DLG2: variants seen among roughly 807,000 people sequenced by gnomAD.
DLG2 encodes disks large homolog 2.
A neutral mutation model predicts 132.5 loss-of-function variants in DLG2; 45 were observed. That is an observed-to-expected ratio of 0.34 (90% CI 0.27 to 0.44). DLG2 has a LOEUF of 0.44. Among genes scored for constraint, DLG2 ranks in the 20% least tolerant of loss-of-function variants. The probability of loss-of-function intolerance (pLI) is 1.00; values close to 1 mark genes in which losing one functional copy is unlikely to be tolerated. For missense variants in DLG2, 1,045 were observed against 1,196.9 expected (o/e 0.87, Z 1.87); for synonymous variants, 424 against 419.6 (o/e 1.01, Z -0.13).
At position 84,032,124 on chromosome 11, in the gene DLG2, A is replaced by C. The variant is rs548626595; in HGVS notation, c.919+27191T>G. Among the ~76,000 whole-genome samples the C allele has an allele frequency of 2.0e-5, 3 of 152,254 alleles. No homozygotes were observed. The South Asian group carries it at 6.2e-4, about 32-fold the overall frequency. On this transcript the variant is annotated intron_variant, in intron 11 of 27. Coordinates refer to ENST00000376104, the MANE Select transcript of DLG2 (RefSeq NM_001142699.3). ...ATTCCCCAAGACCCCGAGGCTAAAT[A>C]ATAACCCTTAAATGGCCTCCAAATG...
At chr11:85,497,125 C>T (rs1053373214) in intron 3 of DLG2, among the ~76,000 whole-genome samples, 5 of 151,956 alleles carry the variant, frequency 3.3e-5, no homozygotes, top group African/African-American at 1.2e-4. Context: ...TAATAACAAA[C>T]TTCTCTGAGC....
At chr11:84,907,525 A>G (rs1172432623) in intron 6 of DLG2, among the ~76,000 whole-genome samples, 1 of 152,216 alleles carries the variant, frequency 6.6e-6, no homozygotes, top group Non-Finnish European at 1.5e-5. Context: ...TAAGGAGTTT[A>G]TGTGTGAGTC....
At chr11:84,900,436 G>A (rs1035184037) in intron 6 of DLG2, among the ~76,000 whole-genome samples, 2 of 151,986 alleles carry the variant, frequency 1.3e-5, no homozygotes, top group Non-Finnish European at 2.9e-5. Flanking sequence ...TTGTCTTCAA[G>A]ATACTTTTAC....
chr11:83,823,732 A>G (rs2051564500), intron 17 of DLG2, among the ~76,000 whole-genome samples: 1 of 152,296 alleles, frequency 6.6e-6, no homozygotes, highest in East Asian at 1.9e-4. Context: ...AAGGGAGCAG[A>G]GATGAATAAA....
intron 6 of DLG2, among the ~76,000 whole-genome samples, chr11:84,742,937 A>G (rs998303790): frequency 1.3e-5 from 2 of 152,124 alleles, no homozygotes; most frequent in African/African-American, 4.8e-5. Flanking sequence ...TCCTGTTTCC[A>G]GTTTTTACCT....
chr11:83,855,777 T>C (rs1414330008), intron 16 of DLG2, among the ~76,000 whole-genome samples: 1 of 151,786 alleles, frequency 6.6e-6, no homozygotes, highest in Non-Finnish European at 1.5e-5. Flanking sequence ...GAGGTGGAGG[T>C]TGCAGTGAGC....
chr11:85,176,486 A>G (rs1427908223), intron 4 of DLG2, among the ~76,000 whole-genome samples: 1 of 152,134 alleles, frequency 6.6e-6, no homozygotes, highest in East Asian at 1.9e-4. Flanking sequence ...TGATCTAAAT[A>G]TAAAACTCAA....
chr11:85,426,885 A>T (rs1002533722), intron 3 of DLG2, among the ~76,000 whole-genome samples: 3 of 152,172 alleles, frequency 2.0e-5, no homozygotes, highest in Admixed American at 6.5e-5. Context: ...TTGAAAAAAA[A>T]TTAGACGAAT....
chr11:84,012,713 G>C (rs1196550118), intron 11 of DLG2, among the ~76,000 whole-genome samples: 1 of 152,064 alleles, frequency 6.6e-6, no homozygotes, highest in Non-Finnish European at 1.5e-5. Flanking sequence ...GAGGAAAGCA[G>C]GATCAGTCAG....
At chr11:84,582,679 C>G (rs1288913736) in intron 6 of DLG2, among the ~76,000 whole-genome samples, 2 of 151,880 alleles carry the variant, frequency 1.3e-5, no homozygotes, top group Admixed American at 1.3e-4. Context: ...ATAGCTCTAT[C>G]TATATGTCTA....
intron 8 of DLG2, among the ~76,000 whole-genome samples, chr11:84,214,262 AATATATATACACATATATGAAT>A (rs2096803320): frequency 1.6e-5 from 2 of 128,882 alleles, no homozygotes; most frequent in African/African-American, 8.6e-5. Context: ...CATATATATG[AATATATATACACATATATGAAT>A]ATATATATGA....
intron 3 of DLG2, among the ~76,000 whole-genome samples, chr11:85,443,214 A>T (rs2091865884): frequency 6.6e-6 from 1 of 152,218 alleles, no homozygotes; most frequent in Non-Finnish European, 1.5e-5. Flanking sequence ...ATACCCTTTA[A>T]GATGTCAATC....
chr11:84,532,203 C>G (rs2154520312), intron 7 of DLG2, among the ~76,000 whole-genome samples: 1 of 147,732 alleles, frequency 6.8e-6, no homozygotes, highest in Non-Finnish European at 1.5e-5. Flanking sequence ...TTTGGACTCT[C>G]CCTATTCCAT....
At chr11:85,246,453 C>T (rs1373115997) in intron 4 of DLG2, among the ~76,000 whole-genome samples, 1 of 151,412 alleles carries the variant, frequency 6.6e-6, no homozygotes, top group South Asian at 2.1e-4. Flanking sequence ...AAAATAAAGC[C>T]CCATATGCTT....
intron 3 of DLG2, among the ~76,000 whole-genome samples, chr11:85,344,704 CCATTATGGATCCTA>C (rs1291604228): frequency 6.6e-6 from 1 of 152,014 alleles, no homozygotes; most frequent in African/African-American, 2.4e-5. Flanking sequence ...TCCAGGTGTT[CCATTATGGATCCTA>C]CAGGCTATAT....
At chr11:83,641,878 TGTGTG>T (rs2066637018) in intron 18 of DLG2, among the ~76,000 whole-genome samples, 1 of 151,660 alleles carries the variant, frequency 6.6e-6, no homozygotes, top group Admixed American at 6.6e-5. Context: ...TGTGTGTGTG[TGTGTG>T]TGTGTGTGTA....
At chr11:84,544,981 C>T in intron 6 of DLG2, 1 of 342,442 alleles carries the variant, frequency 2.9e-6, no homozygotes, top group Non-Finnish European at 5.6e-6. Context: ...AATTTTTTGT[C>T]CATACACATG....
At chr11:85,441,458 T>C (rs1490822880) in intron 3 of DLG2, among the ~76,000 whole-genome samples, 1 of 152,224 alleles carries the variant, frequency 6.6e-6, no homozygotes, top group Admixed American at 6.5e-5. Flanking sequence ...GCCAATGATT[T>C]TGTTAAGGTC....
chr11:83,885,045 C>G (rs566723810), intron 15 of DLG2, among the ~76,000 whole-genome samples: 49 of 152,348 alleles, frequency 3.2e-4, no homozygotes, highest in Middle Eastern at 3.4e-3. Context: ...AGCGCCTCTC[C>G]TCCTCCAAAG....
Sources: gnomAD v4.1 joint callset for allele counts (sites outside exome capture counted in the v4.1 genomes callset) on GRCh38, gnomAD v4.1.1 for gene constraint, MANE v1.5 for transcripts, NCBI Gene and HGNC (gene_info 2026-07-23, HGNC 2026-07-21) for gene names.